Variants in GMDS observed in about 807,000 individuals in gnomAD.
The protein encoded by GMDS is GDP-mannose 4,6-dehydratase.
Under a neutral mutation model 49.9 loss-of-function variants are expected in GMDS, and 20 were observed. The ratio of observed to expected loss-of-function variants is 0.40; its 90% CI spans 0.28 to 0.58. The LOEUF (loss-of-function observed/expected upper bound fraction) is 0.58. Ranked by LOEUF, GMDS falls within the 20% of genes least tolerant of loss-of-function variation. The probability of loss-of-function intolerance (pLI) is 0.42; values close to 1 mark genes in which losing one functional copy is unlikely to be tolerated. For missense variants in GMDS, 362 were observed against 481.4 expected (o/e 0.75, Z 2.32); for synonymous variants, 177 against 178.6 (o/e 0.99, Z 0.07).
intron 7 of GMDS, among the ~76,000 whole-genome samples, chr6:1,774,168 CCTCAT>C (rs1183941270): frequency 1.3e-5 from 2 of 152,170 alleles, no homozygotes; most frequent in African/African-American, 4.8e-5. Context: ...ATTCTACTTC[CCTCAT>C]CTCTTTTCTT....
At chr6:1,854,185 ATG>A (rs1757840916) in intron 7 of GMDS, among the ~76,000 whole-genome samples, 1 of 152,240 alleles carries the variant, frequency 6.6e-6, no homozygotes, top group Non-Finnish European at 1.5e-5. Flanking sequence ...TCGTATTTTA[ATG>A]TGCACCAATT....
chr6:2,202,736 G>A (rs1325797636), intron 1 of GMDS, among the ~76,000 whole-genome samples: 1 of 152,156 alleles, frequency 6.6e-6, no homozygotes, highest in Admixed American at 6.5e-5. Flanking sequence ...TGGTTTACCT[G>A]GATAGAATGG....
chr6:2,112,658 C>A (rs1774614393), intron 4 of GMDS, among the ~76,000 whole-genome samples: 1 of 152,156 alleles, frequency 6.6e-6, no homozygotes, highest in African/African-American at 2.4e-5. Context: ...TCCCTTATAA[C>A]CTCTCAACTT....
At chr6:2,148,293 GATCT>G (rs1430341255) in intron 1 of GMDS, among the ~76,000 whole-genome samples, 1 of 152,194 alleles carries the variant, frequency 6.6e-6, no homozygotes, top group Non-Finnish European at 1.5e-5. Flanking sequence ...CCAGTTAATA[GATCT>G]ATTCAGTGAT....
intron 7 of GMDS, among the ~76,000 whole-genome samples, chr6:1,863,511 C>G (rs1383800836): frequency 1.3e-5 from 2 of 151,788 alleles, no homozygotes; most frequent in African/African-American, 4.8e-5. Flanking sequence ...TGTGTGTGTT[C>G]CAATATAAGT....
At chr6:1,930,060 A>G (rs1484584849) in intron 7 of GMDS, 43 bp downstream of exon 7, 4 of 1,549,038 alleles carry the variant, frequency 2.6e-6, no homozygotes, top group African/African-American at 1.4e-5. Flanking sequence ...TAGAATATCA[A>G]TGGATACGGG....
intron 9 of GMDS, among the ~76,000 whole-genome samples, chr6:1,662,088 T>C (rs1193248875): frequency 6.6e-6 from 1 of 151,652 alleles, no homozygotes; most frequent in Non-Finnish European, 1.5e-5. Flanking sequence ...CTGGAAGGCA[T>C]TGTGCGGGAC....
chr6:1,664,487 G>A (rs2569886), intron 9 of GMDS, among the ~76,000 whole-genome samples: 1 of 152,134 alleles, frequency 6.6e-6, no homozygotes, highest in Admixed American at 6.5e-5. Context: ...TTAGAGAGGC[G>A]TGAGATGAAT....
intron 6 of GMDS, among the ~76,000 whole-genome samples, chr6:1,935,266 C>T (rs1762469807): frequency 6.6e-6 from 1 of 152,110 alleles, no homozygotes; most frequent in Non-Finnish European, 1.5e-5. Context: ...TAACATTTGC[C>T]ATGCCAAATC....
At chr6:1,773,194 CTTT>C (rs535227437) in intron 7 of GMDS, among the ~76,000 whole-genome samples, 3,051 of 143,458 alleles carry the variant, frequency 0.021, 101 homozygotes, top group African/African-American at 0.072. Flanking sequence ...AGAGGGTCCT[CTTT>C]TTTTTTTTTT....
chr6:1,810,502 C>T lies in GMDS; in HGVS notation c.772-67916G>A, dbSNP rs1335251493. On this transcript the variant is annotated intron_variant, in intron 7 of 10. Coordinates refer to ENST00000380815, the MANE Select transcript of GMDS (RefSeq NM_001500.4). ...TTCACTGTGTTGGCCAGGCTGGTCT[C>T]GAACTCTTGACCTCAGGTGATCCAC... 3.9e-5 allele frequency among the ~76,000 whole-genome samples: 6 copies of T among 152,082 alleles called. No homozygotes were observed. In the East Asian group the frequency reaches 5.8e-4, roughly 15 times the overall value.
chr6:1,770,208 T>C (rs980579113), intron 7 of GMDS, among the ~76,000 whole-genome samples: 2 of 152,226 alleles, frequency 1.3e-5, no homozygotes, highest in African/African-American at 4.8e-5. Context: ...TGCACACATG[T>C]GTGAGCCAAC....
At position 1,912,906 on chromosome 6, in the gene GMDS, A is replaced by C. The variant is rs551484113; in HGVS notation, c.771+17197T>G. On this transcript the variant is annotated intron_variant, in intron 7 of 10. Coordinates refer to ENST00000380815, the MANE Select transcript of GMDS (RefSeq NM_001500.4). ...AGCTGGGATTCTCTGTGTGTACCAC[A>C]AGCCCAAAGCAGCATTACACATTGC... 1.7e-4 allele frequency among the ~76,000 whole-genome samples: 26 copies of C among 152,274 alleles called. 1 individual carries two copies. In the South Asian group the frequency reaches 5.2e-3, roughly 30 times the overall value.
At chr6:1,843,795 G>A (rs144313493) in intron 7 of GMDS, among the ~76,000 whole-genome samples, 61 of 152,234 alleles carry the variant, frequency 4.0e-4, no homozygotes, top group African/African-American at 1.4e-3. Flanking sequence ...GCATGCATGC[G>A]TGGAGTATGT....
At chr6:2,182,945 C>T (rs1418484499) in intron 1 of GMDS, among the ~76,000 whole-genome samples, 1 of 152,090 alleles carries the variant, frequency 6.6e-6, no homozygotes, top group African/African-American at 2.4e-5. Context: ...TGGGCTCAAA[C>T]GATCTGCCTG....
chr6:2,089,692 C>A (rs1773210468), intron 4 of GMDS, among the ~76,000 whole-genome samples: 1 of 152,138 alleles, frequency 6.6e-6, no homozygotes, highest in Non-Finnish European at 1.5e-5. Context: ...GAGAGAAATT[C>A]TGTTGGCTTG....
intron 1 of GMDS, among the ~76,000 whole-genome samples, chr6:2,221,064 C>G (rs75208932): frequency 0.018 from 2,662 of 151,898 alleles, 94 homozygotes; most frequent in African/African-American, 0.061. Flanking sequence ...TAGTACATTA[C>G]CACAAGTAAT....
intron 7 of GMDS, among the ~76,000 whole-genome samples, chr6:1,754,463 G>A (rs554011083): frequency 1.3e-5 from 2 of 152,248 alleles, no homozygotes; most frequent in East Asian, 3.9e-4. Context: ...AAGAGGAGCT[G>A]GTACCATTCC....
At chr6:2,022,349 C>A (rs1373617308) in intron 4 of GMDS, among the ~76,000 whole-genome samples, 3 of 152,186 alleles carry the variant, frequency 2.0e-5, no homozygotes, top group Admixed American at 2.0e-4. Context: ...TAATCCCTAA[C>A]TGGCATAAAA....
Sources: allele counts gnomAD v4.1 joint callset (sites outside exome capture counted in the v4.1 genomes callset), GRCh38; gene constraint gnomAD v4.1.1; transcripts MANE v1.5; gene names NCBI Gene and HGNC (gene_info 2026-07-23, HGNC 2026-07-21).